Variants in SLC48A1 observed in about 807,000 individuals in gnomAD.
SLC48A1 encodes heme transporter HRG1.
Under a neutral mutation model 14.8 loss-of-function variants are expected in SLC48A1, and 6 were observed. The ratio of observed to expected loss-of-function variants is 0.41; its 90% CI spans 0.22 to 0.80. The LOEUF is 0.80. Among genes scored for constraint, SLC48A1 ranks in the 30% least tolerant of loss-of-function variants. The pLI is 0.34. For missense variants in SLC48A1, 165 were observed against 204.8 expected, an observed-to-expected ratio of 0.81 and a Z score of 1.19; for synonymous variants, 89 against 90.0, an observed-to-expected ratio of 0.99 and a Z score of 0.06.
At chr12:47,764,508 G>A (rs1212595769) in intron 2 of SLC48A1, among the ~76,000 whole-genome samples, 1 of 152,198 alleles carries the variant, frequency 6.6e-6, no homozygotes, top group Admixed American at 6.5e-5. Context: ...TGAAAGAGGG[G>A]TCCTAGCAGG....
At chr12:47,759,882 T>C (rs12815324) in intron 1 of SLC48A1, among the ~76,000 whole-genome samples, 135 of 134,688 alleles carry the variant, frequency 1.0e-3, no homozygotes, top group African/African-American at 3.5e-3. Flanking sequence ...GGAAGAAGTA[T>C]CTCTAAAAAG....
At chr12:47,775,143 A>G (rs966224551) in intron 1 of SLC48A1, among the ~76,000 whole-genome samples, 6 of 152,158 alleles carry the variant, frequency 3.9e-5, no homozygotes, top group African/African-American at 1.2e-4. Context: ...TGTCCCCAAA[A>G]GACATCTGAC....
At chr12:47,774,303 C>A (rs908325463) in intron 1 of SLC48A1, among the ~76,000 whole-genome samples, 2 of 152,206 alleles carry the variant, frequency 1.3e-5, no homozygotes, top group Non-Finnish European at 2.9e-5. Flanking sequence ...TTAAAAAATG[C>A]TTTCTATGTG....
At chr12:47,756,748 A>G (rs1232986904), upstream of SLC48A1, among the ~76,000 whole-genome samples, 2 of 152,166 alleles carry the variant, frequency 1.3e-5, no homozygotes, top group East Asian at 3.9e-4. Context: ...AGGTGGGCAG[A>G]TCACGAGGTC....
upstream of SLC48A1, among the ~76,000 whole-genome samples, chr12:47,770,537 C>G (rs1341930997): frequency 6.6e-6 from 1 of 152,220 alleles, no homozygotes; most frequent in Non-Finnish European, 1.5e-5. Context: ...AGGCACTCTT[C>G]CAGGCACTCC....
chr12:47,774,948 G>T (rs549715949), intron 1 of SLC48A1, among the ~76,000 whole-genome samples: 219 of 152,280 alleles, frequency 1.4e-3, no homozygotes, highest in African/African-American at 5.0e-3. Flanking sequence ...TCTGGAAGGC[G>T]GCGTCAGAGC....
Position 47,780,468 on chromosome 12 carries a change from T to C in SLC48A1, c.*187T>C. ...CCCTTTCGAGGAAACCTGAGTGTGG[T>C]AGAGAGGGGATCCTGCCATGTTGCT... On this transcript the variant is annotated 3_prime_UTR_variant, in exon 3 of 3. Transcript: ENST00000442218. 5 of 896,088 alleles carry C rather than the reference T, an allele frequency of 5.6e-6. No homozygotes were observed. The highest frequency in any genetic ancestry group is 5.7e-6 in the Non-Finnish European group (3 of 525,014). The allele number at this position is 896,088 out of a possible 1,614,324, so 55.5% of individuals were successfully genotyped here. A position where few individuals can be genotyped will look rare whatever the true frequency, so the allele number is the denominator to read the frequency against.
chr12:47,754,251 C>G (rs1409154429), upstream of SLC48A1, among the ~76,000 whole-genome samples: 2 of 152,258 alleles, frequency 1.3e-5, no homozygotes, highest in Admixed American at 6.5e-5. Context: ...GTTTCCTCAG[C>G]TTTGTGCTAT....
chr12:47,772,240 C>T (rs1023206423), upstream of SLC48A1: 1 of 154,766 alleles, frequency 6.5e-6, no homozygotes, highest in African/African-American at 2.4e-5. Flanking sequence ...CTGGGATTTT[C>T]CCTCCAGCTC....
Position 47,780,238 on chromosome 12 carries a change from A to C in SLC48A1, c.398A>C (p.Tyr133Ser), listed in dbSNP as rs1467670600. Residue 133 changes from tyrosine to serine, a missense_variant, in exon 3 of 3, where the codon TAC becomes TCC. Tyr to Ser is a moderately radical substitution (Grantham distance 144, BLOSUM62 -2). Transcript: ENST00000442218. Reference protein sequence around the residue: ...AFLLSLYAHRYRADFADISIL... With the variant: ...AFLLSLYAHRSRADFADISIL... ...CTGCTCAGCCTCTATGCCCACCGCT[A>C]CCGGGCTGACTTTGCTGACATCAGC... 4 of 1,614,036 alleles carry C rather than the reference A, an allele frequency of 2.5e-6. No homozygotes were observed. The highest frequency in any genetic ancestry group is 3.4e-6 in the Non-Finnish European group (4 of 1,180,020).
At chr12:47,758,445 C>G, upstream of SLC48A1, 15 of 1,582,004 alleles carry the variant, frequency 9.5e-6, no homozygotes, top group Non-Finnish European at 1.2e-5. Flanking sequence ...CTCCTCTCCT[C>G]CTCAGCCCTG....
rs772458785 is a variant in SLC48A1 at position 47,780,230 on chromosome 12, C to T, written c.390C>T (p.Ala130=). The stretch of plus-strand genomic sequence containing the variant: ...GGGCCTTCCTGCTCAGCCTCTATGC[C>T]CACCGCTACCGGGCTGACTTTGCTG... ...FKWAFLLSLY[A]HRYRADFADI... Residue 130 remains alanine (A), a synonymous_variant, in exon 3 of 3, where the codon GCC becomes GCT. Transcript: ENST00000442218. 1.3e-5 allele frequency: 21 copies of T among 1,614,146 alleles called. No individual in the cohort carries two copies. Among genetic ancestry groups the T allele is most frequent in the Non-Finnish European group, 1.6e-5 (19 of 1,180,048 alleles).
intron 1 of SLC48A1, among the ~76,000 whole-genome samples, chr12:47,776,061 A>G (rs919601796): frequency 1.3e-5 from 2 of 152,232 alleles, no homozygotes; most frequent in Non-Finnish European, 2.9e-5. Context: ...AGCTGTGAGC[A>G]AGAGCCCTGG....
At position 47,781,763 on chromosome 12, in the gene SLC48A1, G is replaced by C. The variant is rs1056458395; in HGVS notation, c.*1482G>C. ...GGAGGGAGTGGTAGTGGCAGTTCTCGAGCTATCTGATTAAGCCATTCCGCT... is the reference window on the plus strand; with the variant it reads ...GGAGGGAGTGGTAGTGGCAGTTCTCCAGCTATCTGATTAAGCCATTCCGCT... On this transcript the variant is annotated 3_prime_UTR_variant, in exon 3 of 3. Transcript: ENST00000442218. The C allele has an allele frequency of 6.6e-6, 1 of 152,606 alleles. No homozygotes were observed. Among genetic ancestry groups the C allele is most frequent in the African/African-American group, 2.4e-5 (1 of 41,444 alleles). The allele number at this position is 152,606 out of a possible 1,614,324, so 9.5% of individuals were successfully genotyped here.
Position 47,773,365 on chromosome 12 carries a change from G to T in SLC48A1, c.61G>T (p.Ala21Ser). 6.8e-7 allele frequency: 1 copy of T among 1,478,400 alleles called. No individual in the cohort carries two copies. Among genetic ancestry groups the T allele is most frequent in the East Asian group, 3.1e-5 (1 of 32,768 alleles). The allele number at this position is 1,478,400 out of a possible 1,614,324, so 91.6% of individuals were successfully genotyped here. A position where few individuals can be genotyped will look rare whatever the true frequency, so the allele number is the denominator to read the frequency against. The change falls in exon 1 of 3, where the codon GCC becomes TCC. Residue 21 changes from alanine (A) to serine (S), a missense_variant. By Grantham distance (99) the Ala-to-Ser change is moderately conservative. Transcript: ENST00000442218. Reference protein sequence around the residue: ...RAAYSGISSVAGFSIFLVWTV... With the variant: ...RAAYSGISSVSGFSIFLVWTV... Reference sequence around the variant, plus strand: ...CGCCTACTCCGGCATCAGCTCCGTGGCCGGCTTCTCCATCTTCCTCGTCTG... The same window carrying T: ...CGCCTACTCCGGCATCAGCTCCGTGTCCGGCTTCTCCATCTTCCTCGTCTG...
chr12:47,775,535 C>T (rs1942732182), intron 1 of SLC48A1, among the ~76,000 whole-genome samples: 1 of 152,210 alleles, frequency 6.6e-6, no homozygotes, highest in East Asian at 1.9e-4. Flanking sequence ...GCCTGGGCCT[C>T]CGACCTTCCC....
At position 47,779,723 on chromosome 12, in the gene SLC48A1, G is replaced by A. The variant is rs545592905; in HGVS notation, c.305-422G>A. ...CCAGGCTGTGGAACAGTAGTGGTCC[G>A]TGGCCTGTTAGGAACCAGGCCACAC... On this transcript the variant is annotated intron_variant, in intron 2 of 2. Coordinates refer to ENST00000442218, the MANE Select transcript of SLC48A1 (RefSeq NM_017842.3). Among the ~76,000 whole-genome samples, 46 of 152,270 alleles carry A rather than the reference G, an allele frequency of 3.0e-4. No individual in the cohort carries two copies. The South Asian group carries it at 7.9e-3, about 26-fold the overall frequency.
In SLC48A1 at chr12:47,774,139, T is replaced by C. The variant is rs1010935091; in HGVS notation, c.136+699T>C. ...TCCTGCAGGCCAGCCGCCCTTTCTG[T>C]GCTTCTGGGAGGGAAGGGGAAGCAT... is the stretch of plus-strand genomic sequence containing the variant. On this transcript the variant is annotated intron_variant, in intron 1 of 2. Transcript: ENST00000442218. 1.2e-4 allele frequency among the ~76,000 whole-genome samples: 18 copies of C among 152,316 alleles called. No homozygotes were observed. In the East Asian group the frequency reaches 3.5e-3, roughly 29 times the overall value.
upstream of SLC48A1, chr12:47,757,759 A>T (rs1036759460): frequency 4.5e-6 from 5 of 1,107,646 alleles, no homozygotes; most frequent in African/African-American, 7.8e-5. Flanking sequence ...GTACCACTGT[A>T]CACCCCCAGA....
Sources: allele counts gnomAD v4.1 joint callset (sites outside exome capture counted in the v4.1 genomes callset), GRCh38; gene constraint gnomAD v4.1.1; transcripts MANE v1.5; gene names NCBI Gene and HGNC (gene_info 2026-07-23, HGNC 2026-07-21).